Variants in TMC1 observed in about 807,000 individuals in gnomAD.
TMC1 encodes transmembrane channel like 1.
In TMC1, 84 loss-of-function variants were observed where a neutral mutation model predicts 105.8. That is an observed-to-expected ratio of 0.79 (90% CI 0.67 to 0.95). TMC1 has a LOEUF of 0.95. TMC1 is among the 40% of genes least tolerant of loss of function. The probability of loss-of-function intolerance (pLI) is 0.00; values close to 1 mark genes in which losing one functional copy is unlikely to be tolerated. For synonymous variants in TMC1, 315 were observed against 311.5 expected, an observed-to-expected ratio of 1.01 and a Z score of -0.12; for missense variants, 817 against 914.1, an observed-to-expected ratio of 0.89 and a Z score of 1.37.
chr9:72,611,763 G>A (rs1825028043), intron 2 of TMC1, among the ~76,000 whole-genome samples: 1 of 152,168 alleles, frequency 6.6e-6, no homozygotes, highest in African/African-American at 2.4e-5. Flanking sequence ...GTCTTGGGTG[G>A]GATTTTCAAG....
intron 17 of TMC1, among the ~76,000 whole-genome samples, chr9:72,803,854 C>A (rs929902887): frequency 1.3e-5 from 2 of 152,128 alleles, no homozygotes; most frequent in Non-Finnish European, 2.9e-5. Flanking sequence ...ACCAGAAATA[C>A]CATTTGACCC....
chr9:72,538,737 C>G (rs1316964024), intron 1 of TMC1, among the ~76,000 whole-genome samples: 1 of 152,180 alleles, frequency 6.6e-6, no homozygotes, highest in Non-Finnish European at 1.5e-5. Context: ...CATGAGCCAC[C>G]ACACCTGGAC....
chr9:72,809,271 G>T (rs1242234218), intron 18 of TMC1, among the ~76,000 whole-genome samples: 2 of 152,154 alleles, frequency 1.3e-5, no homozygotes, highest in Non-Finnish European at 2.9e-5. Context: ...GTAATTAAAT[G>T]ACTGTAATTT....
At chr9:72,743,757 A>T (rs1433969413) in intron 10 of TMC1, among the ~76,000 whole-genome samples, 1 of 152,148 alleles carries the variant, frequency 6.6e-6, no homozygotes, top group Admixed American at 6.5e-5. Flanking sequence ...AGCCAATCAA[A>T]AACCTATTTA....
chr9:72,705,561 C>T (rs934695184), intron 8 of TMC1, among the ~76,000 whole-genome samples: 5 of 152,130 alleles, frequency 3.3e-5, no homozygotes, highest in African/African-American at 4.8e-5. Flanking sequence ...TATGGTTTCT[C>T]TCTTCTACAC....
In TMC1 at chr9:72,694,553, A is replaced by G. The variant is rs1437713868; in HGVS notation, c.75A>G (p.Glu25=). Residue 25 remains glutamate, a synonymous_variant, in exon 7 of 24, where the codon GAA becomes GAG. Transcript: ENST00000297784. ...AAGTGCTATGTTTAGGTGAAGAGGA[A>G]GAGGAGGTGGAAGATAAGCTACCTC... ...DETEESSSEE[E]EEVEDKLPRR... is the part of the protein sequence containing the mutation. 2 of 1,612,480 alleles carry G rather than the reference A, an allele frequency of 1.2e-6. No individual in the cohort carries two copies.
intron 1 of TMC1, among the ~76,000 whole-genome samples, chr9:72,540,406 G>C (rs1823655600): frequency 6.6e-6 from 1 of 152,118 alleles, no homozygotes; most frequent in African/African-American, 2.4e-5. Context: ...GGCAGAGATA[G>C]CCACATGGGT....
intron 3 of TMC1, among the ~76,000 whole-genome samples, chr9:72,618,073 G>C (rs1301639946): frequency 7.6e-6 from 1 of 131,496 alleles, no homozygotes; most frequent in Non-Finnish European, 1.6e-5. Flanking sequence ...TTGTTACCCA[G>C]GCTGGAGTGC....
At chr9:72,760,791 A>G (rs1366890455) in intron 12 of TMC1, among the ~76,000 whole-genome samples, 1 of 152,182 alleles carries the variant, frequency 6.6e-6, no homozygotes, top group Admixed American at 6.5e-5. Context: ...GATGGGAAGG[A>G]TCAGAAAATC....
Position 72,837,645 on chromosome 9 carries a change from T to C in TMC1, c.*1672T>C, listed in dbSNP as rs569092302. On this transcript the variant is annotated 3_prime_UTR_variant, in exon 24 of 24. Transcript: ENST00000297784. ...ATTGACTTTAAGTAGTAACACTCAGTGCCCTCACTAGCCTTGTTGTGCGAC... is the reference window on the plus strand; with the variant it reads ...ATTGACTTTAAGTAGTAACACTCAGCGCCCTCACTAGCCTTGTTGTGCGAC... The C allele has an allele frequency of 1.3e-5, 2 of 152,372 alleles. No individual in the cohort carries two copies. Among genetic ancestry groups the C allele is most frequent in the East Asian group, 3.9e-4 (2 of 5,186 alleles). 9.4% of individuals were successfully genotyped at this position (152,372 alleles called of 1,614,324 possible). A position where few individuals can be genotyped will look rare whatever the true frequency, so the allele number is the denominator to read the frequency against.
chr9:72,636,453 T>C (rs1324433677), intron 4 of TMC1, among the ~76,000 whole-genome samples: 2 of 152,054 alleles, frequency 1.3e-5, no homozygotes, highest in African/African-American at 4.8e-5. Context: ...TCTCAGCACT[T>C]TGGGAGGCTG....
At chr9:72,627,161 A>G (rs908596958) in intron 3 of TMC1, among the ~76,000 whole-genome samples, 1 of 152,044 alleles carries the variant, frequency 6.6e-6, no homozygotes, top group Non-Finnish European at 1.5e-5. Context: ...GTGCCTTGTA[A>G]TTACTTCAGA....
chr9:72,749,379 C>G (rs1444544055), intron 10 of TMC1, among the ~76,000 whole-genome samples: 1 of 152,180 alleles, frequency 6.6e-6, no homozygotes, highest in Non-Finnish European at 1.5e-5. Context: ...AAATGAGTAA[C>G]TGTAATGAGT....
At chr9:72,596,657 G>A (rs1430417143) in intron 2 of TMC1, among the ~76,000 whole-genome samples, 1 of 151,998 alleles carries the variant, frequency 6.6e-6, no homozygotes. Context: ...AGCAGATGAT[G>A]CCTGATAAGG....
intron 1 of TMC1, among the ~76,000 whole-genome samples, chr9:72,538,408 T>C (rs1343297670): frequency 7.1e-6 from 1 of 141,786 alleles, no homozygotes; most frequent in East Asian, 2.0e-4. Flanking sequence ...TATTGTATTG[T>C]ATTGTATTGT....
At chr9:72,787,028 A>T (rs1338688364) in intron 13 of TMC1, among the ~76,000 whole-genome samples, 1 of 152,118 alleles carries the variant, frequency 6.6e-6, no homozygotes, top group Non-Finnish European at 1.5e-5. Context: ...AAAAAAAAAA[A>T]AAAAAGCATT....
intron 3 of TMC1, among the ~76,000 whole-genome samples, chr9:72,620,591 A>C (rs547590500): frequency 4.6e-5 from 7 of 152,192 alleles, no homozygotes; most frequent in Non-Finnish European, 8.8e-5. Context: ...TACTTCATCT[A>C]TGTGTGCAAA....
At chr9:72,834,410 C>T (rs1189064436) in intron 23 of TMC1, among the ~76,000 whole-genome samples, 8 of 152,050 alleles carry the variant, frequency 5.3e-5, no homozygotes, top group Non-Finnish European at 1.2e-4. Context: ...AGGTGGGTTT[C>T]GAAGCTTTAA....
chr9:72,785,781 A>G (rs1434395921), intron 13 of TMC1, among the ~76,000 whole-genome samples: 2 of 152,204 alleles, frequency 1.3e-5, no homozygotes, highest in African/African-American at 2.4e-5. Context: ...TAAAACATGA[A>G]TTGTTTATTT....
Sources: gnomAD v4.1 joint callset for allele counts (sites outside exome capture counted in the v4.1 genomes callset) on GRCh38, gnomAD v4.1.1 for gene constraint, MANE v1.5 for transcripts, NCBI Gene and HGNC (gene_info 2026-07-23, HGNC 2026-07-21) for gene names.